Variants in CLVS1 observed in about 807,000 individuals in gnomAD.
CLVS1 encodes the protein clavesin 1.
A neutral mutation model predicts 33.1 loss-of-function variants in CLVS1; 10 were observed. That is an observed-to-expected ratio of 0.30 (90% confidence interval 0.19 to 0.51). The LOEUF is 0.51. Among genes scored for constraint, CLVS1 ranks in the 20% least tolerant of loss-of-function variants. CLVS1 has a pLI of 0.97. For synonymous variants in CLVS1, 163 were observed against 166.1 expected (o/e 0.98, Z 0.14); for missense variants, 343 against 433.4 (o/e 0.79, Z 1.85).
At chr8:61,467,934 A>T (rs1263846364) in intron 5 of CLVS1, among the ~76,000 whole-genome samples, 2 of 152,188 alleles carry the variant, frequency 1.3e-5, no homozygotes, top group Non-Finnish European at 2.9e-5. Flanking sequence ...CCCACAGGGT[A>T]TGTGTGTGCA....
chr8:61,316,723 ACTGTGTATAGCTTT>A, intron 2 of CLVS1, among the ~76,000 whole-genome samples: 1 of 152,346 alleles, frequency 6.6e-6, no homozygotes, highest in South Asian at 2.1e-4. Flanking sequence ...TTGAGCATCC[ACTGTGTATAGCTTT>A]CTGAATCTAG....
At chr8:61,456,534 AT>A (rs1486556586) in intron 4 of CLVS1, among the ~76,000 whole-genome samples, 3 of 152,176 alleles carry the variant, frequency 2.0e-5, no homozygotes, top group Non-Finnish European at 4.4e-5. Flanking sequence ...TCATCTTTAA[AT>A]GATGTCATTA....
chr8:61,099,019 C>A (rs981545998), intron 1 of CLVS1, among the ~76,000 whole-genome samples: 1 of 152,028 alleles, frequency 6.6e-6, no homozygotes. Context: ...TAATATAGAC[C>A]CTTAAACTTC....
chr8:61,033,161 A>AAGAAAGAAAGAAAGAAAGAAAAAGAAAG, the CLVS1 span, among the ~76,000 whole-genome samples: 1 of 92,128 alleles, frequency 1.1e-5, no homozygotes, highest in African/African-American at 4.4e-5. Flanking sequence ...GAAAGAAAGA[A>AAGAAAGAAAGAAAGAAAGAAAAAGAAAG]AAAGAAAGAA....
chr8:61,311,526 G>A (rs1258787681), intron 2 of CLVS1, among the ~76,000 whole-genome samples: 1 of 152,152 alleles, frequency 6.6e-6, no homozygotes, highest in Non-Finnish European at 1.5e-5. Flanking sequence ...ACACAACAGT[G>A]TACATCCCTG....
chr8:61,033,562 G>T, the CLVS1 span, among the ~76,000 whole-genome samples: 1 of 152,212 alleles, frequency 6.6e-6, no homozygotes, highest in Non-Finnish European at 1.5e-5. Flanking sequence ...AGGGGGGAGT[G>T]TGGGTGGGCC....
chr8:61,088,833 G>A (rs866010815), intron 1 of CLVS1, among the ~76,000 whole-genome samples: 16 of 145,254 alleles, frequency 1.1e-4, no homozygotes, highest in South Asian at 1.1e-3. Context: ...ATGGAGTCTC[G>A]CTCTGTCGCC....
intron 2 of CLVS1, among the ~76,000 whole-genome samples, chr8:61,365,108 A>C (rs944080763): frequency 6.6e-6 from 1 of 152,312 alleles, no homozygotes; most frequent in Non-Finnish European, 1.5e-5. Context: ...TTCTTTTAAA[A>C]AGCCTCATCA....
At chr8:61,212,278 C>A (rs1201552562) in intron 2 of CLVS1, among the ~76,000 whole-genome samples, 8 of 152,104 alleles carry the variant, frequency 5.3e-5, no homozygotes, top group Admixed American at 3.3e-4. Flanking sequence ...GAACAGGGTT[C>A]AGAAGGAAGA....
intron 2 of CLVS1, among the ~76,000 whole-genome samples, chr8:61,327,977 T>C (rs1393627049): frequency 6.6e-6 from 1 of 152,226 alleles, no homozygotes; most frequent in African/African-American, 2.4e-5. Flanking sequence ...AATATTTACA[T>C]AAATAATAAT....
intron 2 of CLVS1, among the ~76,000 whole-genome samples, chr8:61,368,810 A>C (rs1396991511): frequency 2.6e-5 from 4 of 152,222 alleles, no homozygotes; most frequent in African/African-American, 9.6e-5. Flanking sequence ...TTGAATGCCA[A>C]GTATTCTTGA....
intron 2 of CLVS1, among the ~76,000 whole-genome samples, chr8:61,374,595 C>T (rs927619839): frequency 6.6e-6 from 1 of 152,014 alleles, no homozygotes; most frequent in Admixed American, 6.6e-5. Context: ...AAAGGAAAAA[C>T]AAAAGCACAC....
intron 2 of CLVS1, among the ~76,000 whole-genome samples, chr8:61,239,534 A>T (rs935102613): frequency 1.3e-5 from 2 of 152,036 alleles, no homozygotes; most frequent in Non-Finnish European, 2.9e-5. Context: ...AGAATTCGAG[A>T]CCCCACCTGG....
At position 61,307,792 on chromosome 8, in the gene CLVS1, G is replaced by T. The variant is rs1419238384; in HGVS notation, c.455+7510G>T. On this transcript the variant is annotated intron_variant, in intron 2 of 5. Transcript: ENST00000325897. ...CTTTCAGTGTAACCACCCCTTGAAT[G>T]GTGTACATTGCACCCAATAGGTAAT... Among the ~76,000 whole-genome samples, 4 of 151,902 alleles carry T rather than the reference G, an allele frequency of 2.6e-5. No individual in the cohort carries two copies. The East Asian group carries it at 7.7e-4, about 29-fold the overall frequency.
chr8:61,163,092 G>A (rs889941082), intron 2 of CLVS1, among the ~76,000 whole-genome samples: 7 of 152,158 alleles, frequency 4.6e-5, no homozygotes, highest in African/African-American at 1.7e-4. Flanking sequence ...AGAAAACCCT[G>A]CCTGGACTCA....
chr8:61,043,819 A>G, the CLVS1 span, among the ~76,000 whole-genome samples: 27 of 152,284 alleles, frequency 1.8e-4, no homozygotes, highest in Admixed American at 1.8e-3. Flanking sequence ...AACTTGCCAA[A>G]AATTCAGGGG....
At chr8:60,979,269 A>C in the CLVS1 span, among the ~76,000 whole-genome samples, 1 of 152,214 alleles carries the variant, frequency 6.6e-6, no homozygotes, top group Non-Finnish European at 1.5e-5. Context: ...ATGAGCATCA[A>C]GGTTTGCACA....
chr8:61,375,282 G>T (rs1813598918), intron 2 of CLVS1, among the ~76,000 whole-genome samples: 1 of 148,494 alleles, frequency 6.7e-6, no homozygotes, highest in South Asian at 2.1e-4. Flanking sequence ...ACAGAGGCTG[G>T]CTGCAACTCC....
intron 5 of CLVS1, among the ~76,000 whole-genome samples, chr8:61,476,915 T>G (rs1273297115): frequency 2.6e-5 from 4 of 152,218 alleles, no homozygotes; most frequent in African/African-American, 4.8e-5. Flanking sequence ...GTCCATTGAG[T>G]ATGATATTGG....
Sources: gnomAD v4.1 joint callset for allele counts (sites outside exome capture counted in the v4.1 genomes callset) on GRCh38, gnomAD v4.1.1 for gene constraint, MANE v1.5 for transcripts, NCBI Gene and HGNC (gene_info 2026-07-23, HGNC 2026-07-21) for gene names.